The following MACF1 variants were observed in gnomAD, a reference collection of about 807,000 sequenced individuals.
The protein encoded by MACF1 is microtubule actin crosslinking factor 1, also known as microtubule-actin cross-linking factor 1.
MACF1 carries 193 observed loss-of-function variants against 854.8 expected under a neutral mutation model. That is an observed-to-expected ratio of 0.23 (90% CI 0.20 to 0.25). MACF1 has a LOEUF of 0.25. Ranked by LOEUF, MACF1 falls within the 10% of genes least tolerant of loss-of-function variation. The pLI, the probability that MACF1 is intolerant of heterozygous loss-of-function variation, is 1.00. For missense variants in MACF1, 7,722 were observed against 8,929.1 expected, an observed-to-expected ratio of 0.86 and a Z score of 5.45; for synonymous variants, 3,185 against 3,226.7, an observed-to-expected ratio of 0.99 and a Z score of 0.44.
rs1423230345 is a variant in MACF1, at chr1:39,127,213, ACT to A, written c.220+42778_220+42779del. The stretch of plus-strand genomic sequence containing the variant: ...CGCCAGCCTGACAACAGAGCGAGAG[ACT>A]CTATCTCAAAAAGAAAATAAAAGCT... On this transcript the variant is annotated intron_variant, in intron 2 of 93. Transcript: ENST00000361689. Among the ~76,000 whole-genome samples, 7 of 152,242 alleles carry A rather than the reference ACT, an allele frequency of 4.6e-5. No individual in the cohort carries two copies. In the South Asian group the frequency reaches 1.0e-3, roughly 23 times the overall value.
At chr1:39,293,416 C>G (rs1645835885) in intron 17 of MACF1, 42 bp from the exon 18 acceptor site, 1 of 1,548,634 alleles carries the variant, frequency 6.5e-7, no homozygotes, top group Non-Finnish European at 8.8e-7. Flanking sequence ...TCTACAGATA[C>G]AAAGGCTGCC....
chr1:39,408,972 T>C (rs995770996), intron 58 of MACF1, among the ~76,000 whole-genome samples: 1 of 148,020 alleles, frequency 6.8e-6, no homozygotes, highest in Non-Finnish European at 1.5e-5. Flanking sequence ...CTCCTTCCTG[T>C]GCTCTCCGCG....
chr1:39,442,799 G>C lies in MACF1; in HGVS notation c.19190G>C (p.Gly6397Ala), dbSNP rs567664427. 1.7e-5 allele frequency: 28 copies of C among 1,614,178 alleles called. No individual in the cohort carries two copies. In the African/African-American group the frequency reaches 3.3e-4, roughly 19 times the overall value. ...AATGAGCTTCTTGAATCCAGTGCTG[G>C]AGATGATGCCAGCAGCTTAAGGAGC... is the stretch of plus-strand genomic sequence containing the variant. ...AGNELLESSA[G>A]DDASSLRSRL... The change falls in exon 78 of 101, where the codon GGA (glycine) becomes GCA (alanine). Residue 6397 changes from glycine to alanine, a missense_variant. This residue lies in a region of MACF1 where 729 missense variants were observed against 900.5 expected (regional missense o/e 0.81). Transcript: ENST00000564288.
chr1:39,332,044 G>A lies in MACF1; in HGVS notation c.5456G>A (p.Gly1819Glu). Residue 1819 changes from glycine to glutamate, a missense_variant, in exon 37 of 101, where the codon GGG becomes GAG. Around this residue, in one of 15 missense-constraint regions of MACF1, gnomAD observed 1,531 missense variants for 1,601.6 expected, o/e 0.96. Coordinates refer to ENST00000564288, the MANE Select transcript of MACF1 (RefSeq NM_001394062.1). ...QTGGIIDTVT[G>E]QRLTIDEAVS... ...GGAGGCATCATAGACACTGTCACGG[G>A]GCAAAGGCTAACAATAGATGAAGCA... The A allele has an allele frequency of 6.2e-7, 1 of 1,613,952 alleles. No individual in the cohort carries two copies. Among genetic ancestry groups the A allele is most frequent in the South Asian group, 1.1e-5 (1 of 91,052 alleles).
At chr1:39,093,634 C>T (rs1394390815) in intron 2 of MACF1, among the ~76,000 whole-genome samples, 4 of 151,832 alleles carry the variant, frequency 2.6e-5, no homozygotes, top group South Asian at 2.1e-4. Flanking sequence ...TACACGCACA[C>T]GCCATCACAC....
chr1:39,179,693 G>T lies in MACF1; in HGVS notation c.221-51489G>T, dbSNP rs148849137. Among the ~76,000 whole-genome samples, 406 of 152,228 alleles carry T rather than the reference G, an allele frequency of 2.7e-3. 1 individual carries two copies. The highest frequency in any genetic ancestry group is 0.014 in the Middle Eastern group (4 of 294). On this transcript the variant is annotated intron_variant, in intron 2 of 93. Coordinates refer to the MACF1 transcript ENST00000361689. ...TAGCCTTTTGCCTGTTTTTCCCAGT[G>T]CTAATTGTATAGTTTATATATTATA...
intron 49 of MACF1, among the ~76,000 whole-genome samples, chr1:39,363,577 TC>T (rs1450051718): frequency 3.3e-5 from 5 of 149,572 alleles, no homozygotes; most frequent in African/African-American, 1.2e-4. Flanking sequence ...TACAGTTTAA[TC>T]AACAAGACTC....
intron 97 of MACF1, among the ~76,000 whole-genome samples, chr1:39,477,376 C>G (rs1164358517): frequency 6.6e-6 from 1 of 151,822 alleles, no homozygotes; most frequent in Non-Finnish European, 1.5e-5. Context: ...AGGCACATGC[C>G]ACCATGCCTA....
At chr1:39,422,331 A>G in intron 58 of MACF1, 43 bp from the exon 59 acceptor site, 3 of 1,564,114 alleles carry the variant, frequency 1.9e-6, no homozygotes, top group Non-Finnish European at 2.6e-6. Flanking sequence ...TAGAGAGTCT[A>G]ATAGCCTTTG....
chr1:39,424,216 G>A (rs768532083), intron 61 of MACF1, 22 bp downstream of exon 61: 4 of 1,606,318 alleles, frequency 2.5e-6, no homozygotes, highest in South Asian at 1.1e-5. Context: ...GGAATTTTGA[G>A]GAGTGGGTCA....
intron 6 of MACF1, chr1:39,269,244 G>A: frequency 7.8e-7 from 1 of 1,289,928 alleles, no homozygotes; most frequent in South Asian, 1.2e-5. Context: ...GCCTTTGCAA[G>A]GAGAGACTGC....
chr1:39,255,640 G>A (rs772127192), intron 5 of MACF1, among the ~76,000 whole-genome samples: 3 of 152,126 alleles, frequency 2.0e-5, no homozygotes, highest in Non-Finnish European at 4.4e-5. Context: ...TGCATTATAG[G>A]CTCCGTGAGG....
intron 6 of MACF1, among the ~76,000 whole-genome samples, chr1:39,263,764 CTTTTTTCTTTT>C (rs1241384502): frequency 2.1e-5 from 2 of 96,020 alleles, no homozygotes; most frequent in African/African-American, 8.0e-5. Context: ...CATCTTTTTT[CTTTTTTCTTTT>C]TTTTTTTTTT....
At chr1:39,327,712 G>C (rs535041265) in intron 36 of MACF1, among the ~76,000 whole-genome samples, 1 of 152,322 alleles carries the variant, frequency 6.6e-6, no homozygotes, top group South Asian at 2.1e-4. Flanking sequence ...ATAGCCAAAA[G>C]TTCTGGATAT....
At chr1:39,147,069 TTC>T (rs923749947) in intron 2 of MACF1, among the ~76,000 whole-genome samples, 11 of 150,626 alleles carry the variant, frequency 7.3e-5, no homozygotes, top group South Asian at 6.5e-4. Flanking sequence ...CTCCTCCTCC[TTC>T]TCTCTCTTCC....
At chr1:39,469,728 T>C in intron 97 of MACF1, 113 bp downstream of exon 97, 1 of 812,816 alleles carries the variant, frequency 1.2e-6, no homozygotes, top group Non-Finnish European at 2.1e-6. Flanking sequence ...TCATGAATGC[T>C]TGAAATGGCC....
At chr1:39,411,626 A>G in intron 58 of MACF1, 1 of 1,613,946 alleles carries the variant, frequency 6.2e-7, no homozygotes, top group Non-Finnish European at 8.5e-7. Context: ...GGTACTATTG[A>G]TGCAGAACAG....
At chr1:39,234,594 GC>G (rs1644832005) in intron 2 of MACF1, among the ~76,000 whole-genome samples, 1 of 109,712 alleles carries the variant, frequency 9.1e-6, no homozygotes, top group Non-Finnish European at 2.0e-5. Flanking sequence ...CTGGCGGGGG[GC>G]TGACCGCCCC....
chr1:39,461,793 A>C (rs1644560372), intron 92 of MACF1, 90 bp from the exon 93 acceptor site: 2 of 162,600 alleles, frequency 1.2e-5, no homozygotes, highest in Non-Finnish European at 9.6e-6. Flanking sequence ...CCTTGTCTCA[A>C]AAAAAAAAAA....
Sources: allele counts gnomAD v4.1 joint callset (sites outside exome capture counted in the v4.1 genomes callset), GRCh38; gene constraint gnomAD v4.1.1; regional missense constraint gnomAD v4.1.1; transcripts MANE v1.5; gene names NCBI Gene and HGNC (gene_info 2026-07-23, HGNC 2026-07-21).